Variants in AQP9 observed in about 807,000 individuals in gnomAD.
AQP9 encodes the protein aquaporin-9.
Under a neutral mutation model 23.8 loss-of-function variants are expected in AQP9, and 19 were observed. The ratio of observed to expected loss-of-function variants is 0.80; its 90% CI spans 0.56 to 1.17. AQP9 has a LOEUF of 1.17. Among genes scored for constraint, AQP9 ranks in the 50% most tolerant of loss-of-function variants. The pLI is 0.00. For missense variants in AQP9, 413 were observed against 362.0 expected (o/e 1.14, Z -1.14); for synonymous variants, 153 against 131.5 (o/e 1.16, Z -1.12).
Position 58,147,795 on chromosome 15 carries a change from G to T in AQP9, c.111+9119G>T, listed in dbSNP as rs1274629224. ...CTCCTATTTACCCATTAAATAGAAG[G>T]TTTACATGCTAATACAAAAATACTC... On this transcript the variant is annotated intron_variant, in intron 1 of 5. Coordinates refer to ENST00000219919, the MANE Select transcript of AQP9 (RefSeq NM_020980.5). 3.9e-5 allele frequency among the ~76,000 whole-genome samples: 6 copies of T among 152,100 alleles called. 1 individual carries two copies. The South Asian group carries it at 1.0e-3, about 26-fold the overall frequency.
At chr15:58,171,183 G>T (rs1437453172) in intron 2 of AQP9, among the ~76,000 whole-genome samples, 1 of 152,026 alleles carries the variant, frequency 6.6e-6, no homozygotes, top group Non-Finnish European at 1.5e-5. Context: ...CGCCTCCTGG[G>T]TTCAAGCAAT....
At chr15:58,163,430 G>C (rs561406516) in intron 1 of AQP9, among the ~76,000 whole-genome samples, 1 of 73,330 alleles carries the variant, frequency 1.4e-5, no homozygotes, top group East Asian at 4.2e-4. Context: ...TACAGACCAT[G>C]ATACATTAAA....
chr15:58,152,576 A>C (rs1262352988), intron 1 of AQP9: 1 of 152,158 alleles, frequency 6.6e-6, no homozygotes, highest in Admixed American at 6.6e-5. Flanking sequence ...CTTCTTATCT[A>C]CTGAGAAAGT....
At chr15:58,180,637 C>T (rs1368647812) in intron 5 of AQP9, among the ~76,000 whole-genome samples, 1 of 152,156 alleles carries the variant, frequency 6.6e-6, no homozygotes, top group Admixed American at 6.5e-5. Flanking sequence ...AATTGACAAT[C>T]CAATAAATTT....
At chr15:58,148,146 AT>A (rs1463537424) in intron 1 of AQP9, among the ~76,000 whole-genome samples, 3 of 152,168 alleles carry the variant, frequency 2.0e-5, no homozygotes, top group Non-Finnish European at 2.9e-5. Context: ...TTTTCAAAGC[AT>A]TTTTGTAGGG....
chr15:58,178,001 G>A (rs1268418049), intron 4 of AQP9, among the ~76,000 whole-genome samples: 5 of 152,092 alleles, frequency 3.3e-5, no homozygotes, highest in Non-Finnish European at 4.4e-5. Flanking sequence ...TATTGGACAT[G>A]TACAGACTTT....
chr15:58,138,523 G>A lies in AQP9; in HGVS notation c.-43G>A, dbSNP rs971559599. ...GGCTGTGAAAGTGAGGACCACAACA[G>A]GTAGGTATTGGTAGAAACAGGAGTC... On this transcript the variant is annotated 5_prime_UTR_variant, in exon 1 of 6. Transcript: ENST00000219919. 1.3e-6 allele frequency: 2 copies of A among 1,514,658 alleles called. No individual in the cohort carries two copies. Among genetic ancestry groups the A allele is most frequent in the African/African-American group, 2.8e-5 (2 of 72,176 alleles). The allele number at this position is 1,514,658 out of a possible 1,614,324, so 93.8% of individuals were successfully genotyped here. A position where few individuals can be genotyped will look rare whatever the true frequency, so the allele number is the denominator to read the frequency against.
At chr15:58,143,540 T>C (rs1220313995) in intron 1 of AQP9, among the ~76,000 whole-genome samples, 1 of 152,234 alleles carries the variant, frequency 6.6e-6, no homozygotes, top group Non-Finnish European at 1.5e-5. Flanking sequence ...CTCTCCAGTT[T>C]CTCTTAACCA....
At chr15:58,152,898 T>C (rs1047859784) in intron 1 of AQP9, 1 of 152,216 alleles carries the variant, frequency 6.6e-6, no homozygotes, top group Non-Finnish European at 1.5e-5. Flanking sequence ...ACCTGATCTA[T>C]TGTAGAGTTC....
intron 1 of AQP9, chr15:58,152,729 T>G (rs2140596448): frequency 6.6e-6 from 1 of 152,264 alleles, no homozygotes; most frequent in Middle Eastern, 3.4e-3. Context: ...CTATTGCATG[T>G]GTCTTTATTA....
intron 2 of AQP9, among the ~76,000 whole-genome samples, chr15:58,172,628 C>A (rs1488161362): frequency 6.6e-6 from 1 of 152,166 alleles, no homozygotes; most frequent in East Asian, 1.9e-4. Flanking sequence ...TTTTTATATC[C>A]TCTGGGCATG....
intron 1 of AQP9, among the ~76,000 whole-genome samples, chr15:58,159,143 G>A (rs1898321558): frequency 6.6e-6 from 1 of 152,060 alleles, no homozygotes; most frequent in Non-Finnish European, 1.5e-5. Flanking sequence ...TCACCATGTC[G>A]GGTTTTACAT....
chr15:58,148,124 G>A (rs1566980999), intron 1 of AQP9, among the ~76,000 whole-genome samples: 2 of 152,250 alleles, frequency 1.3e-5, no homozygotes, highest in East Asian at 1.9e-4. Context: ...AGCTCACCCA[G>A]TAGAGTATGT....
intron 2 of AQP9, among the ~76,000 whole-genome samples, chr15:58,172,463 G>C (rs1566989005): frequency 6.6e-6 from 1 of 152,170 alleles, no homozygotes; most frequent in Non-Finnish European, 1.5e-5. Context: ...CTCAGGAAAG[G>C]GTTGCTACAT....
At position 58,162,053 on chromosome 15, in the gene AQP9, T is replaced by A. The variant is rs140534612; in HGVS notation, c.112-4620T>A. On this transcript the variant is annotated intron_variant, in intron 1 of 5. Coordinates refer to ENST00000219919, the MANE Select transcript of AQP9 (RefSeq NM_020980.5). ...AAATCAGGCATAAATATGTAAACAG[T>A]TAAATAACATTCCATGGCTAAGTGT... is the stretch of plus-strand genomic sequence containing the variant. 2.8e-3 allele frequency among the ~76,000 whole-genome samples: 427 copies of A among 152,268 alleles called. 3 individuals are homozygous for A. Among genetic ancestry groups the A allele is most frequent in the African/African-American group, 9.7e-3 (402 of 41,544 alleles).
intron 1 of AQP9, among the ~76,000 whole-genome samples, chr15:58,166,087 G>C (rs1898496896): frequency 6.6e-6 from 1 of 152,152 alleles, no homozygotes; most frequent in Non-Finnish European, 1.5e-5. Context: ...TTGTGTGCCT[G>C]GTCCTGCTTT....
intron 4 of AQP9, among the ~76,000 whole-genome samples, chr15:58,177,066 G>A (rs180849608): frequency 2.6e-5 from 4 of 152,278 alleles, no homozygotes; most frequent in South Asian, 2.1e-4. Context: ...AATGCTGTCC[G>A]TATTCTTAGG....
At chr15:58,157,652 T>C (rs1164239167) in intron 1 of AQP9, among the ~76,000 whole-genome samples, 5 of 151,894 alleles carry the variant, frequency 3.3e-5, no homozygotes, top group African/African-American at 1.2e-4. Context: ...AACCACAAAA[T>C]TGGAAGACAC....
intron 1 of AQP9, among the ~76,000 whole-genome samples, chr15:58,159,328 T>A (rs981080103): frequency 6.6e-6 from 1 of 152,130 alleles, no homozygotes; most frequent in Non-Finnish European, 1.5e-5. Flanking sequence ...CATTTCCACA[T>A]TGTTTAAAGG....
Sources: allele counts gnomAD v4.1 joint callset (sites outside exome capture counted in the v4.1 genomes callset), GRCh38; gene constraint gnomAD v4.1.1; transcripts MANE v1.5; gene names NCBI Gene and HGNC (gene_info 2026-07-23, HGNC 2026-07-21).